P3H1: variants seen among roughly 807,000 people sequenced by gnomAD.
The protein encoded by P3H1 is prolyl 3-hydroxylase 1.
Under a neutral mutation model 84.0 loss-of-function variants are expected in P3H1, and 69 were observed. That is an observed-to-expected ratio of 0.82 (90% CI 0.68 to 1.00). The LOEUF (loss-of-function observed/expected upper bound fraction) is 1.00. Among genes scored for constraint, P3H1 ranks in the 50% least tolerant of loss-of-function variants. P3H1 has a pLI of 0.00. For synonymous variants in P3H1, 366 were observed against 388.8 expected, an observed-to-expected ratio of 0.94 and a Z score of 0.69; for missense variants, 878 against 962.8, an observed-to-expected ratio of 0.91 and a Z score of 1.17.
intron 1 of P3H1, among the ~76,000 whole-genome samples, chr1:42,764,427 A>T (rs1275871610): frequency 6.9e-6 from 1 of 144,182 alleles, no homozygotes; most frequent in Non-Finnish European, 1.5e-5. Flanking sequence ...CCATCTCAAA[A>T]AAAAAAAAAA....
Position 42,763,945 on chromosome 1 carries a change from C to T in P3H1, c.466-1470G>A, listed in dbSNP as rs566385650. Among the ~76,000 whole-genome samples, 8 of 151,744 alleles carry T rather than the reference C, an allele frequency of 5.3e-5. No homozygotes were observed. In the East Asian group the frequency reaches 1.6e-3, roughly 30 times the overall value. On this transcript the variant is annotated intron_variant, in intron 1 of 14. Transcript: ENST00000296388. ...GGATCATGAGGTCAGGAGTTTGAGA[C>T]CAGCGGATCATGAGGTCAGGAGTTT...
Position 42,754,485 on chromosome 1 carries a change from T to C in P3H1, c.1345+384A>G, listed in dbSNP as rs960652113. ...TAATACCTATGGAAGTGGACAACACTAGTCACTCATGTTTCTGTGACACAG... is the reference window on the plus strand; with the variant it reads ...TAATACCTATGGAAGTGGACAACACCAGTCACTCATGTTTCTGTGACACAG... On this transcript the variant is annotated intron_variant, in intron 8 of 14. Transcript: ENST00000296388. This position sits in a 1 kb window ranked among gnomAD's most constrained non-coding sequence, Gnocchi z 4.0. 4.6e-5 allele frequency among the ~76,000 whole-genome samples: 7 copies of C among 152,132 alleles called. No homozygotes were observed. The highest frequency in any genetic ancestry group is 1.7e-4 in the African/African-American group (7 of 41,420).
In P3H1 at chr1:42,754,977, T is replaced by C. The variant is rs755460349; in HGVS notation, c.1237A>G (p.Thr413Ala). ...LQEKQKSERETAVRISQEIGN... is the reference protein window; with the variant it reads ...LQEKQKSEREAAVRISQEIGN... ...ATCTCCTGGGAGATGCGTACGGCTG[T>C]TTCCCGTTCTGACCTATGAGCACAG... Residue 413 changes from threonine to alanine, a missense_variant, in exon 8 of 15, where the codon ACA (threonine) becomes GCA (alanine). Thr to Ala is a moderately conservative substitution (Grantham distance 58, BLOSUM62 0). Transcript: ENST00000296388. This position sits in a 1 kb window ranked among gnomAD's most constrained non-coding sequence, Gnocchi z 4.0. 12 of 1,614,200 alleles carry C rather than the reference T, an allele frequency of 7.4e-6. No homozygotes were observed. In the South Asian group the frequency reaches 8.8e-5, roughly 12 times the overall value.
chr1:42,746,716 T>G lies in P3H1; in HGVS notation c.2192A>C (p.Lys731Thr). ...AQESLSGSES[K>T]PKDEL ...ACGCTGTCATAGCTCATCCTTGGGC[T>G]TCGATTCACTGCCTGAGAGAGACTC... is the stretch of plus-strand genomic sequence containing the variant. The change falls in exon 15 of 15, where the codon AAG (lysine) becomes ACG (threonine). Residue 731 changes from lysine to threonine, a missense_variant. Lys to Thr is a moderately conservative substitution (Grantham distance 78, BLOSUM62 -1). Coordinates refer to ENST00000296388, the MANE Select transcript of P3H1 (RefSeq NM_022356.4). 6.4e-7 allele frequency: 1 copy of G among 1,551,822 alleles called. No individual in the cohort carries two copies. The highest frequency in any genetic ancestry group is 8.7e-7 in the Non-Finnish European group (1 of 1,147,028).
chr1:42,762,204 G>A, intron 2 of P3H1, 119 bp downstream of exon 2: 1 of 1,005,850 alleles, frequency 9.9e-7, no homozygotes, highest in Non-Finnish European at 1.6e-6. Flanking sequence ...CCGGGAATTT[G>A]AGGTTACAGT....
At chr1:42,753,041 T>C (rs1180510957) in intron 8 of P3H1, among the ~76,000 whole-genome samples, 1 of 152,218 alleles carries the variant, frequency 6.6e-6, no homozygotes, top group Admixed American at 6.5e-5. Flanking sequence ...AGGTTAATTT[T>C]AATTAATTAA....
intron 1 of P3H1, among the ~76,000 whole-genome samples, chr1:42,764,439 A>G (rs1652885607): frequency 6.7e-6 from 1 of 149,722 alleles, no homozygotes. Flanking sequence ...AAAAAAAAAA[A>G]AAAAAGAAAG....
chr1:42,747,552 G>C, intron 13 of P3H1, 140 bp from the exon 14 acceptor site: 3 of 1,116,716 alleles, frequency 2.7e-6, no homozygotes, highest in Non-Finnish European at 4.1e-6. Flanking sequence ...TAAAGAGAAA[G>C]GGTGACTGGT....
rs368972030 is a variant in P3H1 at position 42,759,196 on chromosome 1, C to T, written c.808+5G>A. ...GCTGAAGGTCTGGCTCTGAACTGCA[C>T]GCACCTGTGATGGCCTGGAAGAGGT... On this transcript the variant is annotated splice_donor_5th_base_variant and intron_variant, in intron 3 of 14. Transcript: ENST00000296388. 170 of 1,614,020 alleles carry T rather than the reference C, an allele frequency of 1.1e-4. No homozygotes were observed. The highest frequency in any genetic ancestry group is 1.6e-4 in the Middle Eastern group (1 of 6,084).
At chr1:42,757,519 C>T (rs1219004138) in intron 5 of P3H1, among the ~76,000 whole-genome samples, 2 of 152,192 alleles carry the variant, frequency 1.3e-5, no homozygotes, top group African/African-American at 4.8e-5. Context: ...AATATGCTCA[C>T]CGCGCAGTTC....
intron 8 of P3H1, 45 bp from the exon 9 acceptor site, chr1:42,752,709 G>A: frequency 6.2e-7 from 1 of 1,612,650 alleles, no homozygotes; most frequent in Non-Finnish European, 8.5e-7. Context: ...GCAGCAGCTA[G>A]ACCAAAGACT....
chr1:42,747,878 C>A (rs1651818996), intron 12 of P3H1, 80 bp from the exon 13 acceptor site: 6 of 1,354,452 alleles, frequency 4.4e-6, no homozygotes, highest in Non-Finnish European at 6.4e-6. Flanking sequence ...GTGCTCTCAA[C>A]CAGCAGCAGG....
At chr1:42,755,516 C>A in intron 6 of P3H1, 32 bp downstream of exon 6, 2 of 1,555,124 alleles carry the variant, frequency 1.3e-6, no homozygotes, top group South Asian at 1.1e-5. Context: ...ACTCTTTCCC[C>A]GCTCCCTTCC....
chr1:42,765,309 T>C (rs962994094), intron 1 of P3H1, among the ~76,000 whole-genome samples: 3 of 152,252 alleles, frequency 2.0e-5, no homozygotes, highest in Admixed American at 6.5e-5. Flanking sequence ...ACCTCTTCTT[T>C]GAAGTCTAAT....
intron 2 of P3H1, 22 bp from the exon 3 acceptor site, chr1:42,759,412 C>G (rs760071940): frequency 6.2e-7 from 1 of 1,610,394 alleles, no homozygotes; most frequent in Admixed American, 1.7e-5. Context: ...AAGGAGCACT[C>G]AAATGCAGGC....
chr1:42,749,752 T>A (rs1651926346), intron 11 of P3H1: 2 of 138,146 alleles, frequency 1.4e-5, no homozygotes, highest in Middle Eastern at 3.5e-3. Flanking sequence ...TGGGAAGCCT[T>A]CTTTTTGTTG....
chr1:42,761,283 T>C (rs1652705287), intron 2 of P3H1: 1 of 152,208 alleles, frequency 6.6e-6, no homozygotes, highest in Non-Finnish European at 1.5e-5. Context: ...AAGTCATTCT[T>C]ATATTGTTTC....
intron 1 of P3H1, among the ~76,000 whole-genome samples, chr1:42,763,308 T>C (rs1163610731): frequency 6.6e-6 from 1 of 152,030 alleles, no homozygotes; most frequent in Non-Finnish European, 1.5e-5. Flanking sequence ...GGTCCTTTAC[T>C]AAGTCCAGAC....
chr1:42,757,428 A>C lies in P3H1; in HGVS notation c.1080+355T>G, dbSNP rs555626038. Among the ~76,000 whole-genome samples the C allele has an allele frequency of 3.3e-5, 5 of 152,362 alleles. No homozygotes were observed. In the South Asian group the frequency reaches 1.0e-3, roughly 32 times the overall value. ...CAGAAAACAGGTGAGCAGAAAAAAA[A>C]CAACCAGTATTAAGTGAAAAATGAT... On this transcript the variant is annotated intron_variant, in intron 5 of 14. Transcript: ENST00000296388.
Sources: allele counts gnomAD v4.1 joint callset (sites outside exome capture counted in the v4.1 genomes callset), GRCh38; gene constraint gnomAD v4.1.1; non-coding constraint Gnocchi (gnomAD v3.1); transcripts MANE v1.5; gene names NCBI Gene and HGNC (gene_info 2026-07-23, HGNC 2026-07-21).